Variants in SGCA observed in about 807,000 individuals in gnomAD.
SGCA encodes alpha-sarcoglycan.
In SGCA, 34 loss-of-function variants were observed where a neutral mutation model predicts 38.1. The observed-to-expected ratio is 0.89, with a 90% CI of 0.68 to 1.19. The LOEUF (loss-of-function observed/expected upper bound fraction) is 1.19. Ranked by LOEUF, SGCA falls within the 50% of genes most tolerant of loss-of-function variation. The probability of loss-of-function intolerance (pLI) is 0.00; values close to 1 mark genes in which losing one functional copy is unlikely to be tolerated. For missense variants in SGCA, 476 were observed against 524.9 expected, an observed-to-expected ratio of 0.91 and a Z score of 0.91; for synonymous variants, 209 against 214.6, an observed-to-expected ratio of 0.97 and a Z score of 0.23.
chr17:50,168,901 T>TG (rs1295554182), intron 5 of SGCA, among the ~76,000 whole-genome samples, 191 bp from the exon 6 acceptor site: 1 of 152,024 alleles, frequency 6.6e-6, no homozygotes, highest in Non-Finnish European at 1.5e-5. Context: ...CTCAGATCTC[T>TG]GGGAGGACTG....
At position 50,167,357 on chromosome 17, in the gene SGCA, G is replaced by T. The variant is rs1364425112; in HGVS notation, c.38-11G>T. The T allele has an allele frequency of 6.2e-7, 1 of 1,613,984 alleles. No homozygotes were observed. The highest frequency in any genetic ancestry group is 8.5e-7 in the Non-Finnish European group (1 of 1,180,000). ...TGGCCTGTGTGTTTGGGACTTGTGG[G>T]GTCCCCACAGTTCTCCTGGCAGGGC... On this transcript the variant is annotated splice_polypyrimidine_tract_variant and intron_variant, in intron 1 of 9. Coordinates refer to ENST00000262018, the MANE Select transcript of SGCA (RefSeq NM_000023.4). This position sits in a 1 kb window ranked among gnomAD's most constrained non-coding sequence, Gnocchi z 4.5.
rs930871528 is a variant in SGCA, at chr17:50,175,409, A to G, written c.1136A>G (p.Gln379Arg). The G allele has an allele frequency of 3.1e-6, 5 of 1,613,090 alleles. No individual in the cohort carries two copies. Among genetic ancestry groups the G allele is most frequent in the Non-Finnish European group, 4.2e-6 (5 of 1,180,042 alleles). Residue 379 changes from glutamine (Q) to arginine (R), a missense_variant, in exon 9 of 10, where the codon CAG becomes CGG. By Grantham distance (43) the Gln-to-Arg change is conservative (BLOSUM62 1). Transcript: ENST00000262018. ...CTGCCTCCCCGCGTGGACAGCGCCCAGGTGCCCCTCATTCTGGACCAGCAC... is the reference window on the plus strand; with the variant it reads ...CTGCCTCCCCGCGTGGACAGCGCCCGGGTGCCCCTCATTCTGGACCAGCAC... ...ERLPPRVDSA[Q>R]VPLILDQH
Position 50,167,601 on chromosome 17 carries a change from C to T in SGCA, c.177C>T (p.His59=), listed in dbSNP as rs199902950. The T allele has an allele frequency of 1.1e-4, 181 of 1,613,570 alleles. No individual in the cohort carries two copies. Among genetic ancestry groups the T allele is most frequent in the Non-Finnish European group, 1.5e-4 (176 of 1,180,024 alleles). Residue 59 remains histidine (H), a synonymous_variant, in exon 3 of 10, where the codon CAC becomes CAT. Coordinates refer to ENST00000262018, the MANE Select transcript of SGCA (RefSeq NM_000023.4). This position sits in a 1 kb window ranked among gnomAD's most constrained non-coding sequence, Gnocchi z 4.5. The stretch of plus-strand genomic sequence containing the variant: ...CACCAGCTGTCCCACCCGCTGTCCA[C>T]ATCACCTACCACGCCCACCTCCAGG... ...PEHVAVPPAV[H]ITYHAHLQGH...
In SGCA at chr17:50,175,596, C is replaced by T. The variant is rs1028685002; in HGVS notation, c.*13-116C>T. On this transcript the variant is annotated intron_variant, in intron 9 of 9. Coordinates refer to ENST00000262018, the MANE Select transcript of SGCA (RefSeq NM_000023.4). The stretch of plus-strand genomic sequence containing the variant: ...CTCTGAGGCCGCTGCTGGGGGTCCT[C>T]ACCAGTGCCAGGGCTATGACCCCAA... 33 of 754,206 alleles carry T rather than the reference C, an allele frequency of 4.4e-5. No individual in the cohort carries two copies. In the Admixed American group the frequency reaches 4.8e-4, roughly 11 times the overall value. The allele number at this position is 754,206 out of a possible 1,614,324, so 46.7% of individuals were successfully genotyped here. A position where few individuals can be genotyped will look rare whatever the true frequency, so the allele number is the denominator to read the frequency against.
Position 50,169,229 on chromosome 17 carries a change from G to T in SGCA, c.722G>T (p.Arg241Leu), listed in dbSNP as rs372772903. The T allele has an allele frequency of 2.5e-6, 4 of 1,613,854 alleles. No individual in the cohort carries two copies. The highest frequency in any genetic ancestry group is 4.5e-5 in the East Asian group (2 of 44,866). Residue 241 changes from arginine to leucine, a missense_variant, in exon 6 of 10, where the codon CGC (arginine) becomes CTC (leucine). Physicochemically the swap from Arg to Leu is moderately radical, Grantham distance 102. Coordinates refer to ENST00000262018, the MANE Select transcript of SGCA (RefSeq NM_000023.4). ...SCYDTLAPHF[R>L]VDWCNVTLVD... The stretch of plus-strand genomic sequence containing the variant: ...TACGACACCTTGGCACCCCACTTCC[G>T]CGTTGACTGGTGCAATGTGACCCTG...
rs201131924 is a variant in SGCA at position 50,169,187 on chromosome 17, C to T, written c.680C>T (p.Pro227Leu). 3.7e-6 allele frequency: 6 copies of T among 1,614,036 alleles called. No homozygotes were observed. In the East Asian group the frequency reaches 1.1e-4, roughly 30 times the overall value. Residue 227 changes from proline (P) to leucine (L), a missense_variant, in exon 6 of 10, where the codon CCT becomes CTT. Physicochemically the swap from Pro to Leu is moderately conservative, Grantham distance 98. Transcript: ENST00000262018. ...CACGCCCGCTGTGCCCAGGGCCAGC[C>T]TCCACTTCTGTCTTGCTACGACACC... ...DSHARCAQGQ[P>L]PLLSCYDTLA...
At chr17:50,168,874 T>C (rs1308239628) in intron 5 of SGCA, among the ~76,000 whole-genome samples, 1 of 152,006 alleles carries the variant, frequency 6.6e-6, no homozygotes, top group East Asian at 1.9e-4. Context: ...GGGTGCCCTG[T>C]GTACTCTCAC....
In SGCA at chr17:50,175,242, C is replaced by A. The variant is rs758956473; in HGVS notation, c.984-15C>A. ...CTGACTCCCAGAGCTGATGACTCCC[C>A]ACCTGTGCCTCCAGCATCCAGATGG... On this transcript the variant is annotated splice_polypyrimidine_tract_variant and intron_variant, in intron 8 of 9. Coordinates refer to ENST00000262018, the MANE Select transcript of SGCA (RefSeq NM_000023.4). The A allele has an allele frequency of 4.4e-6, 7 of 1,591,768 alleles. No individual in the cohort carries two copies. The highest frequency in any genetic ancestry group is 2.7e-5 in the African/African-American group (2 of 74,744).
rs573747062 is a variant in SGCA at position 50,167,994 on chromosome 17, G to A, written c.360G>A (p.Leu120=). The change falls in exon 4 of 10, where the codon CTG becomes CTA. Residue 120 remains leucine, a synonymous_variant. Coordinates refer to ENST00000262018, the MANE Select transcript of SGCA (RefSeq NM_000023.4). The surrounding 1 kb of genome is among the most constrained non-coding windows in gnomAD (Gnocchi z 4.5). ...RDSFDTTRQR[L]VLEIGDPEGP... is the part of the protein sequence containing the mutation. ...GCTTTGATACCACTCGGCAGAGGCT[G>A]GTGCTGGAGATTGGGGACCCAGAAG... 8 of 1,614,164 alleles carry A rather than the reference G, an allele frequency of 5.0e-6. No homozygotes were observed. The highest frequency in any genetic ancestry group is 4.0e-5 in the African/African-American group (3 of 75,036).
At chr17:50,175,145 C>A in intron 8 of SGCA, 112 bp from the exon 9 acceptor site, 1 of 977,574 alleles carries the variant, frequency 1.0e-6, no homozygotes, top group Non-Finnish European at 1.6e-6. Context: ...GTGTCTGAGT[C>A]TCTCCCCACA....
chr17:50,168,354 T>C lies in SGCA; in HGVS notation c.386-20T>C. On this transcript the variant is annotated intron_variant, in intron 4 of 9. Transcript: ENST00000262018. ...AGCTGGGGCTGGGTGCAGCCTGAGG[T>C]GTCCACCTGGCCTTCCCAGGCCCCC... is the stretch of plus-strand genomic sequence containing the variant. The C allele has an allele frequency of 6.4e-7, 1 of 1,554,090 alleles. No homozygotes were observed. Among genetic ancestry groups the C allele is most frequent in the South Asian group, 1.2e-5 (1 of 84,492 alleles).
At position 50,175,928 on chromosome 17, in the gene SGCA, C is replaced by T; in HGVS notation, c.*229C>T. Reference sequence around the variant, plus strand: ...AATTGCTGCTGGCAGCCTCTCCCGTCCTCACTGGCTCTGTTTCCCTTTGTG... The same window carrying T: ...AATTGCTGCTGGCAGCCTCTCCCGTTCTCACTGGCTCTGTTTCCCTTTGTG... On this transcript the variant is annotated 3_prime_UTR_variant, in exon 10 of 10. Coordinates refer to ENST00000262018, the MANE Select transcript of SGCA (RefSeq NM_000023.4). 1 of 438,768 alleles carries T rather than the reference C, an allele frequency of 2.3e-6. No individual in the cohort carries two copies. The highest frequency in any genetic ancestry group is 4.6e-6 in the Non-Finnish European group (1 of 216,420). The allele number at this position is 438,768 out of a possible 1,614,324, so 27.2% of individuals were successfully genotyped here. A position where few individuals can be genotyped will look rare whatever the true frequency, so the allele number is the denominator to read the frequency against.
At chr17:50,172,350 A>T in intron 8 of SGCA, 3 of 448,786 alleles carry the variant, frequency 6.7e-6, no homozygotes, top group South Asian at 4.7e-5. Flanking sequence ...TGGACCGGAG[A>T]TGCCAGATGG....
At chr17:50,170,530 A>G in intron 7 of SGCA, 110 bp from the exon 8 acceptor site, 4 of 1,385,886 alleles carry the variant, frequency 2.9e-6, no homozygotes, top group Non-Finnish European at 4.0e-6. Flanking sequence ...GCCTGGCACC[A>G]GGAGGGCATT....
At chr17:50,168,989 A>G in intron 5 of SGCA, 103 bp from the exon 6 acceptor site, 2 of 1,060,522 alleles carry the variant, frequency 1.9e-6, no homozygotes. Flanking sequence ...TCCCATCCCC[A>G]GGTCATAGCC....
At position 50,170,722 on chromosome 17, in the gene SGCA, C is replaced by A. The variant is rs147162020; in HGVS notation, c.983+56C>A. The A allele has an allele frequency of 4.3e-3, 5,989 of 1,408,668 alleles. 82 individuals carry two copies. Among genetic ancestry groups the A allele is most frequent in the Non-Finnish European group, 3.4e-3 (3,418 of 1,016,166 alleles). 87.3% of individuals were successfully genotyped at this position (1,408,668 alleles called of 1,614,324 possible). A position where few individuals can be genotyped will look rare whatever the true frequency, so the allele number is the denominator to read the frequency against. Reference sequence around the variant, plus strand: ...GAGCCCACCTAGACAGTTGTTGGACCCCGCCACCAAACTATGCCATGAACA... The same window carrying A: ...GAGCCCACCTAGACAGTTGTTGGACACCGCCACCAAACTATGCCATGAACA... On this transcript the variant is annotated intron_variant, in intron 8 of 9. Transcript: ENST00000262018.
intron 9 of SGCA, 95 bp from the exon 10 acceptor site, chr17:50,175,615 ACC>A (rs1384035023): frequency 2.8e-6 from 2 of 712,860 alleles, no homozygotes; most frequent in South Asian, 3.0e-5. Flanking sequence ...CAGGGCTATG[ACC>A]CCAATGCCAA....
In SGCA at chr17:50,167,267, C is replaced by G. The variant is rs571892675; in HGVS notation, c.38-101C>G. 5.2e-6 allele frequency: 8 copies of G among 1,546,974 alleles called. No individual in the cohort carries two copies. The highest frequency in any genetic ancestry group is 6.2e-6 in the Non-Finnish European group (7 of 1,130,776). Reference sequence around the variant, plus strand: ...GAGGCAGCAAAGGAAGCGCTTCTCTCGGTCCCTTAGGGGCTCCAAGGACTT... The same window carrying G: ...GAGGCAGCAAAGGAAGCGCTTCTCTGGGTCCCTTAGGGGCTCCAAGGACTT... On this transcript the variant is annotated intron_variant, in intron 1 of 9. Coordinates refer to ENST00000262018, the MANE Select transcript of SGCA (RefSeq NM_000023.4). The surrounding 1 kb of genome is among the most constrained non-coding windows in gnomAD (Gnocchi z 4.5).
rs1905118125 is a variant in SGCA, at chr17:50,168,507, C to T, written c.519C>T (p.Leu173=). The change falls in exon 5 of 10, where the codon CTC becomes CTT. Residue 173 remains leucine, a synonymous_variant. Coordinates refer to ENST00000262018, the MANE Select transcript of SGCA (RefSeq NM_000023.4). ...GGGAGCCCGGAGAGCTTCAGCTGCT[C>T]AACGTCACCTCTGCCTTGGACCGTG... The part of the protein sequence containing the change: ...GLWEPGELQL[L]NVTSALDRGG... 6.3e-7 allele frequency: 1 copy of T among 1,579,878 alleles called. No individual in the cohort carries two copies. The highest frequency in any genetic ancestry group is 2.3e-5 in the East Asian group (1 of 43,404).
Sources: allele counts gnomAD v4.1 joint callset (sites outside exome capture counted in the v4.1 genomes callset), GRCh38; gene constraint gnomAD v4.1.1; non-coding constraint Gnocchi (gnomAD v3.1); transcripts MANE v1.5; gene names NCBI Gene and HGNC (gene_info 2026-07-23, HGNC 2026-07-21).